The following TCF20 variants were observed in gnomAD, a reference collection of about 807,000 sequenced individuals.
TCF20 encodes SPRE-binding protein.
A neutral mutation model predicts 148.6 loss-of-function variants in TCF20; 3 were observed. That is an observed-to-expected ratio of 0.02 (90% CI 0.01 to 0.05). The LOEUF is 0.05. Ranked by LOEUF, TCF20 falls within the 10% of genes least tolerant of loss-of-function variation. The pLI, the probability that TCF20 is intolerant of heterozygous loss-of-function variation, is 1.00. For missense variants in TCF20, 2,350 were observed against 2,429.3 expected, an observed-to-expected ratio of 0.97 and a Z score of 0.69; for synonymous variants, 1,049 against 909.5, an observed-to-expected ratio of 1.15 and a Z score of -2.76.
chr22:42,226,131 A>G (rs552784682), intron 1 of TCF20, among the ~76,000 whole-genome samples: 6 of 152,256 alleles, frequency 3.9e-5, no homozygotes, highest in African/African-American at 1.4e-4. Context: ...GCATCCCAAG[A>G]TCACTTCAGA....
At chr22:42,235,824 T>C (rs770725977) in intron 1 of TCF20, among the ~76,000 whole-genome samples, 1 of 152,160 alleles carries the variant, frequency 6.6e-6, no homozygotes, top group Non-Finnish European at 1.5e-5. Context: ...CTAAGTACCA[T>C]ATAAATCAAA....
chr22:42,296,360 C>A (rs1451515463), intron 1 of TCF20, among the ~76,000 whole-genome samples: 1 of 152,260 alleles, frequency 6.6e-6, no homozygotes, highest in Non-Finnish European at 1.5e-5. Context: ...ACTGCCCTGG[C>A]TGCACTCTTT....
Position 42,210,928 on chromosome 22 carries a change from G to T in TCF20, c.4378C>A (p.Pro1460Thr), listed in dbSNP as rs1164646547. 2.5e-6 allele frequency: 4 copies of T among 1,614,000 alleles called. No homozygotes were observed. In the African/African-American group the frequency reaches 4.0e-5, roughly 16 times the overall value. The stretch of plus-strand genomic sequence containing the variant: ...GTTGTGGATGTCATGGCACCAGGGG[G>T]TTCCTTTCCGGCAGTAACTGTTTCT... ...HAETVTAGKEPPGAMTSTTSQ... is the reference protein window; with the variant it reads ...HAETVTAGKETPGAMTSTTSQ... Residue 1460 changes from proline to threonine, a missense_variant, in exon 2 of 6, where the codon CCC becomes ACC. This residue lies in a region of TCF20 where 231 missense variants were observed against 213.7 expected (regional missense o/e 1.08). Transcript: ENST00000677622. The surrounding 1 kb of genome is among the most constrained non-coding windows in gnomAD (Gnocchi z 4.7).
intron 1 of TCF20, among the ~76,000 whole-genome samples, chr22:42,332,753 C>T (rs1233547863): frequency 2.6e-5 from 4 of 152,216 alleles, no homozygotes; most frequent in African/African-American, 4.8e-5. Context: ...CAGGCATGAG[C>T]CACCGTGCCC....
intron 1 of TCF20, among the ~76,000 whole-genome samples, chr22:42,222,415 G>C (rs1222749803): frequency 6.6e-6 from 1 of 151,900 alleles, no homozygotes; most frequent in Non-Finnish European, 1.5e-5. Flanking sequence ...ATCTTTCTTG[G>C]GCTAGAATAA....
chr22:42,212,711 T>C lies in TCF20; in HGVS notation c.2595A>G (p.Ser865=). 1 of 1,614,220 alleles carries C rather than the reference T, an allele frequency of 6.2e-7. No homozygotes were observed. The change falls in exon 2 of 6, where the codon TCA becomes TCG. Residue 865 remains serine, a synonymous_variant. Transcript: ENST00000677622. ...TTAGTGGAGAAATATCACAGATCAC[T>C]GATCTTCTTTCAGAGAGGGAACCCC... ...EPGGSLSERR[S]VICDISPLRQ... is the part of the protein sequence containing the mutation.
intron 1 of TCF20, among the ~76,000 whole-genome samples, chr22:42,228,998 C>T (rs1409515393): frequency 1.3e-5 from 2 of 152,204 alleles, no homozygotes; most frequent in East Asian, 1.9e-4. Flanking sequence ...TGTACTTGTC[C>T]GGCATTTGGT....
intron 1 of TCF20, among the ~76,000 whole-genome samples, chr22:42,257,691 C>T (rs1372854170): frequency 1.3e-5 from 2 of 152,062 alleles, no homozygotes; most frequent in Non-Finnish European, 2.9e-5. Flanking sequence ...CTTTTTTCAG[C>T]AAAAATCTTA....
chr22:42,301,719 T>C (rs190109753), intron 1 of TCF20, among the ~76,000 whole-genome samples: 30 of 152,330 alleles, frequency 2.0e-4, no homozygotes, highest in African/African-American at 6.3e-4. Context: ...TGGGGAGACC[T>C]GGCTGCGTCC....
intron 1 of TCF20, among the ~76,000 whole-genome samples, chr22:42,300,968 G>C (rs1218220549): frequency 2.0e-5 from 3 of 152,220 alleles, no homozygotes; most frequent in Non-Finnish European, 4.4e-5. Flanking sequence ...GGCCAGGACA[G>C]GGGAGGGTGT....
intron 1 of TCF20, among the ~76,000 whole-genome samples, chr22:42,241,812 CG>C (rs1017130732): frequency 6.6e-6 from 1 of 151,624 alleles, no homozygotes; most frequent in African/African-American, 2.4e-5. Context: ...CCAGCCTGGG[CG>C]AAAGAGTGAG....
intron 2 of TCF20, among the ~76,000 whole-genome samples, chr22:42,196,442 A>T (rs1937603255): frequency 6.6e-6 from 1 of 152,234 alleles, no homozygotes; most frequent in African/African-American, 2.4e-5. Flanking sequence ...GCATTAGTAT[A>T]TTTTTATTAC....
chr22:42,219,892 C>T (rs962727541), intron 1 of TCF20, among the ~76,000 whole-genome samples: 1 of 152,072 alleles, frequency 6.6e-6, no homozygotes, highest in Non-Finnish European at 1.5e-5. Flanking sequence ...CGATGTACTT[C>T]CCATCCATAA....
chr22:42,187,619 C>T (rs1051281684), intron 2 of TCF20, among the ~76,000 whole-genome samples: 4 of 152,186 alleles, frequency 2.6e-5, no homozygotes, highest in African/African-American at 9.7e-5. Flanking sequence ...AAAGAAAGCC[C>T]GTTCCCTTAT....
chr22:42,232,581 A>G (rs2147281715), intron 1 of TCF20, among the ~76,000 whole-genome samples: 1 of 152,290 alleles, frequency 6.6e-6, no homozygotes, highest in East Asian at 1.9e-4. Context: ...TAATCCCAGC[A>G]CTTTGGGAGG....
chr22:42,301,397 C>T (rs1404570118), intron 1 of TCF20, among the ~76,000 whole-genome samples: 1 of 152,182 alleles, frequency 6.6e-6, no homozygotes, highest in African/African-American at 2.4e-5. Flanking sequence ...ACAACCACCA[C>T]CACAGGGTGA....
At position 42,211,889 on chromosome 22, in the gene TCF20, G is replaced by T. The variant is rs780896034; in HGVS notation, c.3417C>A (p.Asp1139Glu). The T allele has an allele frequency of 6.2e-7, 1 of 1,614,104 alleles. No homozygotes were observed. Among genetic ancestry groups the T allele is most frequent in the Non-Finnish European group, 8.5e-7 (1 of 1,180,028 alleles). The change falls in exon 2 of 6, where the codon GAC becomes GAA. Residue 1139 changes from aspartate (D) to glutamate (E), a missense_variant. Around this residue, in one of 7 missense-constraint regions of TCF20, gnomAD observed 1,641 missense variants for 1,662.6 expected, o/e 0.99. Transcript: ENST00000677622. ...GTGGGCCATACATCATACCATCTTT[G>T]TCATTTTTCAGAGGGCTCCGTACTC... is the stretch of plus-strand genomic sequence containing the variant. ...LDRVRSPLKN[D>E]KDGMMYGPPV...
intron 1 of TCF20, among the ~76,000 whole-genome samples, chr22:42,247,536 A>G (rs1038102936): frequency 3.3e-5 from 5 of 152,076 alleles, no homozygotes; most frequent in African/African-American, 1.2e-4. Context: ...GAGCTGCAGC[A>G]GAGGATACAA....
At chr22:42,169,669 G>A (rs904981741) in intron 4 of TCF20, among the ~76,000 whole-genome samples, 178 bp downstream of exon 4, 5 of 152,076 alleles carry the variant, frequency 3.3e-5, no homozygotes, top group African/African-American at 9.7e-5. Flanking sequence ...CCCATGCCAC[G>A]GGTCTCCCTT....
Sources: allele counts gnomAD v4.1 joint callset (sites outside exome capture counted in the v4.1 genomes callset), GRCh38; gene constraint gnomAD v4.1.1; regional missense constraint gnomAD v4.1.1; non-coding constraint Gnocchi (gnomAD v3.1); transcripts MANE v1.5; gene names NCBI Gene and HGNC (gene_info 2026-07-23, HGNC 2026-07-21).